GUCY1A2: variants seen among roughly 807,000 people sequenced by gnomAD.
GUCY1A2 encodes the protein guanylate cyclase 1 soluble subunit alpha 2.
GUCY1A2 carries 27 observed loss-of-function variants against 63.5 expected under a neutral mutation model. That is an observed-to-expected ratio of 0.43 (90% CI 0.31 to 0.59). GUCY1A2 has a LOEUF of 0.59. GUCY1A2 is among the 20% of genes least tolerant of loss of function. The pLI is 0.11. For missense variants in GUCY1A2, 768 were observed against 913.3 expected (o/e 0.84, Z 2.05); for synonymous variants, 364 against 343.5 (o/e 1.06, Z -0.66).
At chr11:106,914,640 TTAAA>T (rs1454827406) in intron 4 of GUCY1A2, among the ~76,000 whole-genome samples, 3 of 148,552 alleles carry the variant, frequency 2.0e-5, no homozygotes, top group Admixed American at 6.7e-5. Flanking sequence ...ACAAGGAAAA[TTAAA>T]TAAATATATT....
intron 6 of GUCY1A2, among the ~76,000 whole-genome samples, chr11:106,763,288 T>A (rs993129985): frequency 6.6e-6 from 1 of 151,978 alleles, no homozygotes; most frequent in African/African-American, 2.4e-5. Flanking sequence ...AAAATTGATG[T>A]CACTTTTAGG....
chr11:106,732,139 A>G (rs1357306299), intron 6 of GUCY1A2, among the ~76,000 whole-genome samples: 1 of 151,850 alleles, frequency 6.6e-6, no homozygotes, highest in Non-Finnish European at 1.5e-5. Flanking sequence ...ACTACCTGCT[A>G]TAGCAACCAA....
intron 1 of GUCY1A2, among the ~76,000 whole-genome samples, chr11:107,008,203 CG>C (rs1450725249): frequency 6.9e-6 from 1 of 144,732 alleles, no homozygotes; most frequent in Admixed American, 7.9e-5. Flanking sequence ...CGCTGGAACC[CG>C]GTGGGCAGAG....
At chr11:106,889,176 A>G (rs1405651472) in intron 4 of GUCY1A2, among the ~76,000 whole-genome samples, 1 of 152,138 alleles carries the variant, frequency 6.6e-6, no homozygotes, top group Non-Finnish European at 1.5e-5. Flanking sequence ...AAGGATAAAA[A>G]CGTACTTTAA....
At chr11:106,966,984 A>G (rs1166807621) in intron 3 of GUCY1A2, among the ~76,000 whole-genome samples, 1 of 152,234 alleles carries the variant, frequency 6.6e-6, no homozygotes, top group East Asian at 1.9e-4. Context: ...CTGAGGTACT[A>G]GAAGTGAATG....
chr11:106,816,542 A>G (rs1461459018), intron 4 of GUCY1A2, among the ~76,000 whole-genome samples: 2 of 151,608 alleles, frequency 1.3e-5, no homozygotes, highest in East Asian at 3.9e-4. Context: ...TCTACCTCAG[A>G]AAAGAAAAAT....
At chr11:106,990,300 G>T (rs956239776) in intron 1 of GUCY1A2, among the ~76,000 whole-genome samples, 2 of 152,188 alleles carry the variant, frequency 1.3e-5, no homozygotes, top group Admixed American at 6.5e-5. Flanking sequence ...TTCATCTCTA[G>T]TCTCACTAAC....
intron 4 of GUCY1A2, among the ~76,000 whole-genome samples, chr11:106,887,838 T>C: frequency 6.6e-6 from 1 of 152,342 alleles, no homozygotes. Flanking sequence ...TATACACTGA[T>C]TAAAAGCCAG....
At chr11:106,737,359 G>T (rs1484298417) in intron 6 of GUCY1A2, among the ~76,000 whole-genome samples, 4 of 152,028 alleles carry the variant, frequency 2.6e-5, no homozygotes, top group African/African-American at 9.7e-5. Flanking sequence ...TTTTAAGGTA[G>T]ATTTGGTGGC....
intron 3 of GUCY1A2, among the ~76,000 whole-genome samples, chr11:106,953,653 C>CA (rs1860942085): frequency 6.9e-6 from 1 of 145,152 alleles, no homozygotes. Context: ...CTGGTCCTTG[C>CA]TTTTTTTTTT....
At chr11:106,754,921 G>C (rs1474718775) in intron 6 of GUCY1A2, among the ~76,000 whole-genome samples, 1 of 152,166 alleles carries the variant, frequency 6.6e-6, no homozygotes, top group Non-Finnish European at 1.5e-5. Context: ...AATAGTTTCA[G>C]AAGGAATGGT....
chr11:106,719,429 G>A (rs1384489220), intron 6 of GUCY1A2, among the ~76,000 whole-genome samples: 2 of 151,998 alleles, frequency 1.3e-5, no homozygotes, highest in African/African-American at 2.4e-5. Flanking sequence ...TTACATGTGT[G>A]TTTATCAGTT....
At chr11:106,796,345 C>T (rs899826060) in intron 5 of GUCY1A2, among the ~76,000 whole-genome samples, 1 of 152,146 alleles carries the variant, frequency 6.6e-6, no homozygotes, top group Admixed American at 6.5e-5. Context: ...TTGATCCTGT[C>T]ATTATGAATT....
In GUCY1A2 at chr11:106,678,142, T is replaced by TC. The variant is rs1339262077; in HGVS notation, c.*9406_*9407insG. On this transcript the variant is annotated 3_prime_UTR_variant, in exon 8 of 8. Transcript: ENST00000526355. ...GAATTTTTCTAAAAGTCCCCCTGAA[T>TC]TACTTTAGATAATTATACAGTCCTC... 3 of 196,824 alleles carry TC rather than the reference T, an allele frequency of 1.5e-5. No homozygotes were observed. The highest frequency in any genetic ancestry group is 3.2e-5 in the Non-Finnish European group (3 of 94,868). The allele number at this position is 196,824 out of a possible 1,614,324, so 12.2% of individuals were successfully genotyped here.
intron 4 of GUCY1A2, among the ~76,000 whole-genome samples, chr11:106,935,974 T>C (rs764856107): frequency 4.6e-5 from 7 of 152,190 alleles, no homozygotes; most frequent in Non-Finnish European, 8.8e-5. Context: ...TTCATTAATT[T>C]CCAATGTATA....
chr11:106,932,725 T>A (rs182537166), intron 4 of GUCY1A2, among the ~76,000 whole-genome samples: 1 of 152,248 alleles, frequency 6.6e-6, no homozygotes, highest in East Asian at 1.9e-4. Flanking sequence ...CAAACTATAC[T>A]ATAAGGTTAC....
At chr11:106,702,852 T>C (rs1314400740) in intron 7 of GUCY1A2, among the ~76,000 whole-genome samples, 1 of 152,136 alleles carries the variant, frequency 6.6e-6, no homozygotes, top group Non-Finnish European at 1.5e-5. Flanking sequence ...CTGAAAAATG[T>C]GAATATGTTA....
chr11:106,827,615 A>G, intron 4 of GUCY1A2: 1 of 1,515,082 alleles, frequency 6.6e-7, no homozygotes, highest in Non-Finnish European at 9.2e-7. Context: ...AGTGTTCTTC[A>G]CTCTTCAGTT....
At position 106,681,768 on chromosome 11, in the gene GUCY1A2, T is replaced by G. The variant is rs1425605815; in HGVS notation, c.*5781A>C. On this transcript the variant is annotated 3_prime_UTR_variant, in exon 8 of 8. Coordinates refer to ENST00000526355, the MANE Select transcript of GUCY1A2 (RefSeq NM_000855.3). ...AAAGGCTCTATGAAATGCAAAGAAG[T>G]GCAAGCTTCATATGGCATCATCACC... The G allele has an allele frequency of 4.6e-6, 1 of 219,374 alleles. No individual in the cohort carries two copies. Among genetic ancestry groups the G allele is most frequent in the Non-Finnish European group, 9.1e-6 (1 of 109,474 alleles). 13.6% of individuals were successfully genotyped at this position (219,374 alleles called of 1,614,324 possible).
Sources: allele counts gnomAD v4.1 joint callset (sites outside exome capture counted in the v4.1 genomes callset), GRCh38; gene constraint gnomAD v4.1.1; transcripts MANE v1.5; gene names NCBI Gene and HGNC (gene_info 2026-07-23, HGNC 2026-07-21).